Variants in LDHA observed in about 807,000 individuals in gnomAD.
LDHA encodes lactate dehydrogenase A.
A neutral mutation model predicts 36.3 loss-of-function variants in LDHA; 10 were observed. That is an observed-to-expected ratio of 0.28 (90% CI 0.17 to 0.47). The LOEUF is 0.47. Ranked by LOEUF, LDHA falls within the 20% of genes least tolerant of loss-of-function variation. The probability of loss-of-function intolerance (pLI) is 0.99; values close to 1 mark genes in which losing one functional copy is unlikely to be tolerated. For missense variants in LDHA, 267 were observed against 405.8 expected, an observed-to-expected ratio of 0.66 and a Z score of 2.94; for synonymous variants, 110 against 136.7, an observed-to-expected ratio of 0.80 and a Z score of 1.36.
intron 4 of LDHA, 128 bp downstream of exon 4, chr11:18,401,138 T>C: frequency 5.0e-6 from 2 of 398,730 alleles, no homozygotes; most frequent in Non-Finnish European, 3.7e-6. Context: ...TATTTTCGAA[T>C]ATTATTTTAA....
intron 3 of LDHA, chr11:18,399,761 ATT>A: frequency 1.9e-6 from 1 of 515,770 alleles, no homozygotes; most frequent in Non-Finnish European, 3.5e-6. Flanking sequence ...TGCCCGGCTA[ATT>A]TTTTTACTTT....
chr11:18,396,409 T>C, intron 1 of LDHA: 1 of 413,200 alleles, frequency 2.4e-6, no homozygotes, highest in Non-Finnish European at 4.2e-6. Context: ...TTGAGCTTTG[T>C]GGCAGTTAAT....
At chr11:18,397,766 G>A (rs1057269069) in intron 2 of LDHA, among the ~76,000 whole-genome samples, 2 of 152,008 alleles carry the variant, frequency 1.3e-5, no homozygotes, top group African/African-American at 4.8e-5. Context: ...ACCCGAGATA[G>A]CACCACTCCA....
intron 1 of LDHA, chr11:18,396,553 T>C (rs968638128): frequency 3.0e-6 from 4 of 1,343,734 alleles, no homozygotes; most frequent in Non-Finnish European, 3.8e-6. Context: ...CCGCGATGGG[T>C]GAACCCTCAG....
chr11:18,401,955 C>CTCTTTTTTTTTT (rs59534512), intron 4 of LDHA, among the ~76,000 whole-genome samples: 1 of 52,256 alleles, frequency 1.9e-5, no homozygotes, highest in Non-Finnish European at 3.8e-5. Context: ...TTGTTATTCT[C>CTCTTTTTTTTTT]TTTTTTTTTT....
Position 18,407,964 on chromosome 11 carries a change from G to C in LDHA, c.*683G>C, listed in dbSNP as rs1271702857. ...CCCTGCAACGATTTTTTCTAACAGG[G>C]ATATTATTGACTAATAGCAGAGGAT... is the stretch of plus-strand genomic sequence containing the variant. On this transcript the variant is annotated 3_prime_UTR_variant, in exon 8 of 8. Transcript: ENST00000422447. 1 of 454,052 alleles carries C rather than the reference G, an allele frequency of 2.2e-6. No homozygotes were observed. Among genetic ancestry groups the C allele is most frequent in the East Asian group, 6.9e-5 (1 of 14,402 alleles). The allele number at this position is 454,052 out of a possible 1,614,324, so 28.1% of individuals were successfully genotyped here. A position where few individuals can be genotyped will look rare whatever the true frequency, so the allele number is the denominator to read the frequency against.
rs188524538 is a variant in LDHA, at chr11:18,398,553, T to G, written c.127-878T>G. On this transcript the variant is annotated intron_variant, in intron 2 of 7. Coordinates refer to ENST00000422447, the MANE Select transcript of LDHA (RefSeq NM_005566.4). Reference sequence around the variant, plus strand: ...GGCACCCACCGCCACGCCTGGCTGATTTTTGTATTTTTAGTAGAGACAGGC... The same window carrying G: ...GGCACCCACCGCCACGCCTGGCTGAGTTTTGTATTTTTAGTAGAGACAGGC... 4.5e-5 allele frequency: 6 copies of G among 134,468 alleles called. No homozygotes were observed. In the East Asian group the frequency reaches 1.3e-3, roughly 29 times the overall value. 8.3% of individuals were successfully genotyped at this position (134,468 alleles called of 1,614,324 possible).
At chr11:18,406,056 C>T (rs1866671566) in intron 7 of LDHA, among the ~76,000 whole-genome samples, 1 of 152,180 alleles carries the variant, frequency 6.6e-6, no homozygotes, top group Non-Finnish European at 1.5e-5. Flanking sequence ...ACCTCTGCCT[C>T]CCAGGTTTAA....
At chr11:18,402,710 T>C in intron 4 of LDHA, 130 bp from the exon 5 acceptor site, 1 of 747,238 alleles carries the variant, frequency 1.3e-6, no homozygotes, top group Non-Finnish European at 2.4e-6. Flanking sequence ...AAAAGCCATA[T>C]ATCTGGAGTA....
chr11:18,401,818 TTG>T (rs201799767), intron 4 of LDHA, among the ~76,000 whole-genome samples: 160 of 151,638 alleles, frequency 1.1e-3, no homozygotes, highest in African/African-American at 3.4e-3. Flanking sequence ...CTAAGGAGAT[TTG>T]TGTGTGTGTG....
chr11:18,397,937 G>GT (rs756915069), intron 2 of LDHA, among the ~76,000 whole-genome samples: 5 of 152,146 alleles, frequency 3.3e-5, no homozygotes, highest in Non-Finnish European at 5.9e-5. Context: ...AAAAGGCCTC[G>GT]TAACAACACA....
At chr11:18,400,718 TA>T (rs1866457421) in intron 3 of LDHA, 118 bp from the exon 4 acceptor site, 1 of 747,096 alleles carries the variant, frequency 1.3e-6, no homozygotes, top group Admixed American at 2.0e-5. Context: ...TAAGAAGCCA[TA>T]ATGATAAAAC....
At chr11:18,398,745 C>G (rs961080269) in intron 2 of LDHA, 4 of 153,702 alleles carry the variant, frequency 2.6e-5, no homozygotes, top group African/African-American at 9.7e-5. Flanking sequence ...TCCCAAGTAG[C>G]TGGGACTACA....
At chr11:18,396,380 A>G (rs996440219) in intron 1 of LDHA, 4 of 400,388 alleles carry the variant, frequency 1.0e-5, no homozygotes, top group African/African-American at 4.1e-5. Flanking sequence ...GGATCACCGC[A>G]GGCTCCTGTG....
At chr11:18,400,542 A>T in intron 3 of LDHA, 1 of 418,092 alleles carries the variant, frequency 2.4e-6, no homozygotes, top group Admixed American at 3.3e-5. Flanking sequence ...AGTATGGAAG[A>T]GTGTGAACGT....
At chr11:18,401,463 A>ATTTTT (rs1866493607) in intron 4 of LDHA, among the ~76,000 whole-genome samples, 2 of 15,218 alleles carry the variant, frequency 1.3e-4, no homozygotes, top group Non-Finnish European at 1.9e-4. Flanking sequence ...TTATTGATTC[A>ATTTTT]TTTATTTTTC....
intron 2 of LDHA, among the ~76,000 whole-genome samples, chr11:18,397,671 C>T (rs1303236672): frequency 6.6e-6 from 1 of 151,938 alleles, no homozygotes; most frequent in African/African-American, 2.4e-5. Context: ...ATTAGCCGGG[C>T]GTGGTGGCAT....
intron 2 of LDHA, 123 bp downstream of exon 2, chr11:18,397,091 G>T: frequency 2.3e-6 from 2 of 864,222 alleles, no homozygotes; most frequent in Non-Finnish European, 3.7e-6. Flanking sequence ...CACTCATTCG[G>T]ATAACTTTCT....
chr11:18,405,262 T>C (rs1395203684), intron 6 of LDHA, among the ~76,000 whole-genome samples, 187 bp from the exon 7 acceptor site: 1 of 152,250 alleles, frequency 6.6e-6, no homozygotes, highest in East Asian at 1.9e-4. Context: ...TTGCTGTTAC[T>C]AACAGTACTG....
Sources: allele counts gnomAD v4.1 joint callset (sites outside exome capture counted in the v4.1 genomes callset), GRCh38; gene constraint gnomAD v4.1.1; transcripts MANE v1.5; gene names NCBI Gene and HGNC (gene_info 2026-07-23, HGNC 2026-07-21).